UBR3: variants seen among roughly 807,000 people sequenced by gnomAD.
UBR3 encodes the protein ubiquitin protein ligase E3 component n-recognin 3, also known as E3 ubiquitin-protein ligase UBR3.
UBR3 carries 85 observed loss-of-function variants against 243.2 expected under a neutral mutation model. That is an observed-to-expected ratio of 0.35 (90% confidence interval 0.29 to 0.42). The LOEUF (loss-of-function observed/expected upper bound fraction) is 0.42, where lower values mean the gene tolerates loss of function less well. Ranked by LOEUF, UBR3 falls within the 10% of genes least tolerant of loss-of-function variation. The probability of loss-of-function intolerance (pLI) is 1.00; values close to 1 mark genes in which losing one functional copy is unlikely to be tolerated. For missense variants in UBR3, 1,686 were observed against 2,300.8 expected (o/e 0.73, Z 5.47); for synonymous variants, 748 against 799.8 (o/e 0.94, Z 1.09).
At chr2:169,920,768 A>C (rs1275777660) in intron 11 of UBR3, among the ~76,000 whole-genome samples, 2 of 152,174 alleles carry the variant, frequency 1.3e-5, no homozygotes, top group Non-Finnish European at 1.5e-5. Flanking sequence ...GCGGGGGTAG[A>C]TGTCCCCTGC....
At chr2:169,843,935 G>A (rs969637364) in intron 1 of UBR3, among the ~76,000 whole-genome samples, 2 of 151,788 alleles carry the variant, frequency 1.3e-5, no homozygotes, top group African/African-American at 4.8e-5. Context: ...ATTTGTTGTT[G>A]GAAGCTTTTT....
chr2:169,861,479 C>G (rs374129322), intron 1 of UBR3, among the ~76,000 whole-genome samples: 1 of 151,786 alleles, frequency 6.6e-6, no homozygotes, highest in African/African-American at 2.4e-5. Flanking sequence ...GTAGTGGCGG[C>G]GCCTGTAATC....
intron 22 of UBR3, among the ~76,000 whole-genome samples, chr2:169,949,098 A>G (rs1446837202): frequency 2.6e-5 from 4 of 152,046 alleles, no homozygotes; most frequent in African/African-American, 9.7e-5. Flanking sequence ...TTAAGCATTT[A>G]TGTTAGAATT....
chr2:169,925,323 A>G (rs2085868175), intron 13 of UBR3, among the ~76,000 whole-genome samples: 1 of 152,182 alleles, frequency 6.6e-6, no homozygotes, highest in Non-Finnish European at 1.5e-5. Flanking sequence ...ATAGAGTGAA[A>G]CATAAGCATT....
At chr2:170,015,841 A>G (rs2090220502) in intron 30 of UBR3, among the ~76,000 whole-genome samples, 1 of 151,896 alleles carries the variant, frequency 6.6e-6, no homozygotes, top group African/African-American at 2.4e-5. Context: ...TAAAATGAGA[A>G]TAATTCTTCA....
chr2:169,842,101 A>G lies in UBR3; in HGVS notation c.545+14049A>G, dbSNP rs373849330. On this transcript the variant is annotated intron_variant, in intron 1 of 38. Coordinates refer to ENST00000272793, the MANE Select transcript of UBR3 (RefSeq NM_172070.4). ...TCAAGGTTTGTGAGTGCACCAATCG[A>G]CACTCTGTATCTAGCTGCTCTGGTG... 4.6e-5 allele frequency among the ~76,000 whole-genome samples: 7 copies of G among 152,260 alleles called. No individual in the cohort carries two copies. In the East Asian group the frequency reaches 1.2e-3, roughly 25 times the overall value.
intron 36 of UBR3, among the ~76,000 whole-genome samples, chr2:170,078,964 T>G (rs953198083): frequency 1.3e-5 from 2 of 152,184 alleles, no homozygotes; most frequent in Non-Finnish European, 2.9e-5. Context: ...ATCCATGAAC[T>G]TGTTGATGAG....
At chr2:170,039,134 A>C (rs754426776) in intron 31 of UBR3, among the ~76,000 whole-genome samples, 2 of 152,212 alleles carry the variant, frequency 1.3e-5, no homozygotes, top group Non-Finnish European at 2.9e-5. Flanking sequence ...TTTGTTAGTC[A>C]GAGGAAGATG....
chr2:169,866,370 GTT>G (rs748192184), intron 1 of UBR3, among the ~76,000 whole-genome samples: 1 of 141,398 alleles, frequency 7.1e-6, no homozygotes, highest in African/African-American at 2.6e-5. Context: ...TTGTTTTTTT[GTT>G]TTTTTTTTTG....
intron 17 of UBR3, 139 bp downstream of exon 17, chr2:169,927,544 G>A: frequency 1.7e-6 from 1 of 599,214 alleles, no homozygotes; most frequent in East Asian, 3.2e-5. Context: ...CACCAGTTGT[G>A]TGCTCAAGTA....
chr2:169,933,009 G>T lies in UBR3; in HGVS notation c.2663+1G>T. The T allele has an allele frequency of 6.6e-7, 1 of 1,509,032 alleles. No homozygotes were observed. The highest frequency in any genetic ancestry group is 8.8e-7 in the Non-Finnish European group (1 of 1,133,388). The allele number at this position is 1,509,032 out of a possible 1,614,324, so 93.5% of individuals were successfully genotyped here. A position where few individuals can be genotyped will look rare whatever the true frequency, so the allele number is the denominator to read the frequency against. ...CTGCAATGGACAGATATACTGCATTGTAAGTCCATCAAATTGATTAGCATC... is the reference window on the plus strand; with the variant it reads ...CTGCAATGGACAGATATACTGCATTTTAAGTCCATCAAATTGATTAGCATC... On this transcript the variant is annotated splice_donor_variant, in intron 19 of 38. Transcript: ENST00000272793. LOFTEE classifies it high-confidence loss of function.
At chr2:169,876,676 G>T (rs987848904) in intron 3 of UBR3, among the ~76,000 whole-genome samples, 2 of 152,054 alleles carry the variant, frequency 1.3e-5, no homozygotes, top group Non-Finnish European at 2.9e-5. Flanking sequence ...TCCTGCCTCA[G>T]CCTCCCGAGT....
intron 5 of UBR3, among the ~76,000 whole-genome samples, chr2:169,890,549 A>ATATG (rs1553504461): frequency 1.0e-4 from 6 of 59,248 alleles, no homozygotes; most frequent in Admixed American, 4.5e-4. Flanking sequence ...AGATATATAT[A>ATATG]TATATATATA....
intron 18 of UBR3, among the ~76,000 whole-genome samples, chr2:169,932,686 T>C (rs1248993420): frequency 6.6e-6 from 1 of 152,240 alleles, no homozygotes; most frequent in Non-Finnish European, 1.5e-5. Context: ...TACAAAACTT[T>C]TGTTCTTTAG....
chr2:169,954,245 C>G (rs1481855222), intron 23 of UBR3, among the ~76,000 whole-genome samples: 3 of 149,814 alleles, frequency 2.0e-5, no homozygotes, highest in Admixed American at 2.0e-4. Flanking sequence ...TAATTCATTT[C>G]TTTTCTTTTC....
intron 9 of UBR3, 146 bp downstream of exon 9, chr2:169,905,439 A>G: frequency 3.4e-6 from 2 of 581,974 alleles, no homozygotes; most frequent in Non-Finnish European, 5.2e-6. Context: ...AAGTACTTTA[A>G]TAAATTGTTC....
At chr2:169,829,828 C>T (rs1438079545) in intron 1 of UBR3, among the ~76,000 whole-genome samples, 1 of 53,820 alleles carries the variant, frequency 1.9e-5, no homozygotes, top group Non-Finnish European at 7.5e-5. Context: ...CACACACACA[C>T]ACACACACAC....
At chr2:170,058,504 CT>C (rs2091387429) in intron 33 of UBR3, among the ~76,000 whole-genome samples, 1 of 137,434 alleles carries the variant, frequency 7.3e-6, no homozygotes, top group African/African-American at 2.7e-5. Context: ...TCCTTTCTTT[CT>C]TTTCTTATCT....
Position 170,020,565 on chromosome 2 carries a change from A to G in UBR3, c.4453+5199A>G, listed in dbSNP as rs2105415343. On this transcript the variant is annotated intron_variant, in intron 30 of 38. Transcript: ENST00000272793. Reference sequence around the variant, plus strand: ...ATGCTCTGTCTCCTGACAGATGTTCATGGTTGTTAACTGTTACATGCAAAG... The same window carrying G: ...ATGCTCTGTCTCCTGACAGATGTTCGTGGTTGTTAACTGTTACATGCAAAG... Among the ~76,000 whole-genome samples the G allele has an allele frequency of 1.3e-5, 2 of 152,318 alleles. 1 individual carries two copies. Among genetic ancestry groups the G allele is most frequent in the South Asian group, 4.1e-4 (2 of 4,828 alleles).
Sources: gnomAD v4.1 joint callset for allele counts (sites outside exome capture counted in the v4.1 genomes callset) on GRCh38, gnomAD v4.1.1 for gene constraint, MANE v1.5 for transcripts, NCBI Gene and HGNC (gene_info 2026-07-23, HGNC 2026-07-21) for gene names.